Variants in CLSTN2 observed in about 807,000 individuals in gnomAD.
CLSTN2 encodes calsyntenin 2.
In CLSTN2, 48 loss-of-function variants were observed where a neutral mutation model predicts 101.2. That is an observed-to-expected ratio of 0.47 (90% CI 0.38 to 0.60). The LOEUF (loss-of-function observed/expected upper bound fraction) is 0.60. Among genes scored for constraint, CLSTN2 ranks in the 20% least tolerant of loss-of-function variants. The pLI is 0.00. For missense variants in CLSTN2, 1,160 were observed against 1,238.2 expected (o/e 0.94, Z 0.95); for synonymous variants, 481 against 463.6 (o/e 1.04, Z -0.48).
At chr3:140,534,770 G>A (rs930215737) in intron 9 of CLSTN2, among the ~76,000 whole-genome samples, 2 of 149,294 alleles carry the variant, frequency 1.3e-5, no homozygotes, top group Non-Finnish European at 3.0e-5. Context: ...GGGCAAGAAA[G>A]TGAAATCTAC....
chr3:140,341,304 C>T (rs543882497), intron 2 of CLSTN2, among the ~76,000 whole-genome samples: 1 of 152,320 alleles, frequency 6.6e-6, no homozygotes, highest in African/African-American at 2.4e-5. Context: ...GCACAGTCTT[C>T]CTCTAGAAGT....
At chr3:140,342,969 A>G (rs1394599048) in intron 2 of CLSTN2, among the ~76,000 whole-genome samples, 3 of 152,226 alleles carry the variant, frequency 2.0e-5, no homozygotes, top group Non-Finnish European at 4.4e-5. Flanking sequence ...GCCAAGGCTT[A>G]GATCTCATGT....
At chr3:140,286,064 C>G (rs2086893176) in intron 2 of CLSTN2, among the ~76,000 whole-genome samples, 3 of 152,132 alleles carry the variant, frequency 2.0e-5, no homozygotes, top group African/African-American at 7.2e-5. Context: ...AGCTACTTCA[C>G]TAATAGCAGA....
At chr3:140,508,508 C>A (rs1934729339) in intron 8 of CLSTN2, 1 of 152,204 alleles carries the variant, frequency 6.6e-6, no homozygotes, top group African/African-American at 2.4e-5. Context: ...TGTTAGAACC[C>A]ATAGGATGGG....
At chr3:139,945,259 T>C (rs529360258) in intron 1 of CLSTN2, among the ~76,000 whole-genome samples, 16 of 152,220 alleles carry the variant, frequency 1.1e-4, no homozygotes, top group Admixed American at 9.8e-4. Context: ...AGTTGTGAGG[T>C]TCAGGGCAAA....
intron 2 of CLSTN2, among the ~76,000 whole-genome samples, chr3:140,221,910 G>C (rs1214352890): frequency 6.6e-6 from 1 of 151,990 alleles, no homozygotes; most frequent in Non-Finnish European, 1.5e-5. Flanking sequence ...ACAGTTTGGA[G>C]GTTCCTCCAA....
chr3:140,050,837 A>G (rs77941031), intron 1 of CLSTN2, among the ~76,000 whole-genome samples: 2,314 of 152,276 alleles, frequency 0.015, 55 homozygotes, highest in African/African-American at 0.051. Flanking sequence ...TAGACAAAAG[A>G]AGATATTCTA....
chr3:140,459,438 T>G, intron 6 of CLSTN2, 83 bp from the exon 7 acceptor site: 2 of 1,500,448 alleles, frequency 1.3e-6, no homozygotes, highest in South Asian at 2.4e-5. Flanking sequence ...GTACACTGAG[T>G]AGTTCACCTT....
At chr3:140,050,087 G>C (rs77318429) in intron 1 of CLSTN2, among the ~76,000 whole-genome samples, 2,092 of 152,310 alleles carry the variant, frequency 0.014, 56 homozygotes, top group African/African-American at 0.047. Context: ...GATTACATGA[G>C]TTAATCTGTA....
At chr3:140,146,675 G>C (rs565054717) in intron 1 of CLSTN2, among the ~76,000 whole-genome samples, 1 of 152,226 alleles carries the variant, frequency 6.6e-6, no homozygotes, top group Non-Finnish European at 1.5e-5. Flanking sequence ...GTCCAAAAGA[G>C]TAATGGTGCT....
intron 2 of CLSTN2, among the ~76,000 whole-genome samples, chr3:140,373,759 T>C (rs1288395394): frequency 6.6e-6 from 1 of 152,188 alleles, no homozygotes. Context: ...GGAAATGCAA[T>C]TGTCTCTTTG....
rs750088450 is a variant in CLSTN2, at chr3:140,311,287, C to CTTTTTTTTT, written c.233-92314_233-92306dup. Among the ~76,000 whole-genome samples, 91 of 52,080 alleles carry CTTTTTTTTT rather than the reference C, an allele frequency of 1.7e-3. 19 individuals carry two copies. The highest frequency in any genetic ancestry group is 1.9e-3 in the African/African-American group (20 of 10,624). The allele number at this position is 52,080 out of a possible 152,430, so 34.2% of individuals were successfully genotyped here. A position where few individuals can be genotyped will look rare whatever the true frequency, so the allele number is the denominator to read the frequency against. Reference sequence around the variant, plus strand: ...ATAATAACAGCTAAGGTTTATTATCCTTTTTTTTTTTTTTTTTTTTTTTTT... The same window carrying CTTTTTTTTT: ...ATAATAACAGCTAAGGTTTATTATCCTTTTTTTTTTTTTTTTTTTTTTTTTTTTTTTTTT... On this transcript the variant is annotated intron_variant, in intron 2 of 16. Transcript: ENST00000458420.
At chr3:140,248,560 C>T (rs1371324325) in intron 2 of CLSTN2, among the ~76,000 whole-genome samples, 1 of 152,120 alleles carries the variant, frequency 6.6e-6, no homozygotes, top group African/African-American at 2.4e-5. Flanking sequence ...GGAAGACAAT[C>T]GTTGGCAGTT....
intron 2 of CLSTN2, among the ~76,000 whole-genome samples, chr3:140,254,038 C>A (rs908445354): frequency 6.6e-6 from 1 of 152,082 alleles, no homozygotes; most frequent in African/African-American, 2.4e-5. Context: ...GGTCCCTTAC[C>A]TAATTTGGTC....
In CLSTN2 at chr3:140,040,677, C is replaced by A. The variant is rs183499543; in HGVS notation, c.109+105194C>A. On this transcript the variant is annotated intron_variant, in intron 1 of 16. Coordinates refer to ENST00000458420, the MANE Select transcript of CLSTN2 (RefSeq NM_022131.3). The stretch of plus-strand genomic sequence containing the variant: ...GTGAAAGGAAAGTCAAGTCTCCAAG[C>A]AATTTGAGGAGATTAAAGAAAATAT... Among the ~76,000 whole-genome samples, 9 of 152,086 alleles carry A rather than the reference C, an allele frequency of 5.9e-5. No homozygotes were observed. The East Asian group carries it at 1.2e-3, about 20-fold the overall frequency.
intron 2 of CLSTN2, among the ~76,000 whole-genome samples, chr3:140,309,264 GGCCAAGTAGGACATGTAGA>G (rs2087142076): frequency 1.3e-5 from 2 of 152,252 alleles, no homozygotes; most frequent in South Asian, 4.1e-4. Context: ...CTCTGAGGAA[GGCCAAGTAGGACATGTAGA>G]CAGAGGGGCA....
At chr3:140,043,400 G>C (rs1203010211) in intron 1 of CLSTN2, among the ~76,000 whole-genome samples, 1 of 152,264 alleles carries the variant, frequency 6.6e-6, no homozygotes, top group South Asian at 2.1e-4. Flanking sequence ...ATTTGTTTGA[G>C]TTCTTTGTAG....
intron 1 of CLSTN2, among the ~76,000 whole-genome samples, chr3:140,055,640 C>T (rs542730120): frequency 6.6e-6 from 1 of 152,322 alleles, no homozygotes; most frequent in South Asian, 2.1e-4. Flanking sequence ...CAGCGTAGTA[C>T]CTACCGTGAA....
chr3:139,959,926 C>A (rs12107412), intron 1 of CLSTN2, among the ~76,000 whole-genome samples: 3,647 of 152,236 alleles, frequency 0.024, 133 homozygotes, highest in African/African-American at 0.083. Flanking sequence ...CTCCCACCCC[C>A]TACCAGCTTA....
Sources: gnomAD v4.1 joint callset for allele counts (sites outside exome capture counted in the v4.1 genomes callset) on GRCh38, gnomAD v4.1.1 for gene constraint, MANE v1.5 for transcripts, NCBI Gene and HGNC (gene_info 2026-07-23, HGNC 2026-07-21) for gene names.